The following KMT2B variants were observed in gnomAD, a reference collection of about 807,000 sequenced individuals.
KMT2B encodes the protein lysine methyltransferase 2B.
A neutral mutation model predicts 255.3 loss-of-function variants in KMT2B; 22 were observed. The observed-to-expected ratio is 0.09, with a 90% CI of 0.06 to 0.12. KMT2B has a LOEUF of 0.12. KMT2B is among the 10% of genes least tolerant of loss of function. The pLI is 1.00. For missense variants in KMT2B, 3,149 were observed against 3,737.0 expected, an observed-to-expected ratio of 0.84 and a Z score of 4.10; for synonymous variants, 1,730 against 1,498.1, an observed-to-expected ratio of 1.15 and a Z score of -3.57.
intron 30 of KMT2B, among the ~76,000 whole-genome samples, chr19:35,734,538 A>G (rs1969846137): frequency 6.6e-6 from 1 of 152,194 alleles, no homozygotes; most frequent in South Asian, 2.1e-4. Context: ...ATGGCAGGGA[A>G]GGGCAGGCTG....
Position 35,720,752 on chromosome 19 carries a change from A to T in KMT2B, c.1405A>T (p.Arg469Trp). The T allele has an allele frequency of 6.8e-7, 1 of 1,472,766 alleles. No individual in the cohort carries two copies. Among genetic ancestry groups the T allele is most frequent in the Non-Finnish European group, 9.0e-7 (1 of 1,110,996 alleles). The allele number at this position is 1,472,766 out of a possible 1,614,324, so 91.2% of individuals were successfully genotyped here. The change falls in exon 3 of 37, where the codon AGG becomes TGG. Residue 469 changes from arginine to tryptophan, a missense_variant. Physicochemically the swap from Arg to Trp is moderately radical, Grantham distance 101 (BLOSUM62 -3). Around this residue, in one of 18 missense-constraint regions of KMT2B, gnomAD observed 1,188 missense variants for 1,106.4 expected, o/e 1.07. Coordinates refer to ENST00000420124, the MANE Select transcript of KMT2B (RefSeq NM_014727.3). ...PVVPATCSRKRGRPPLTPSQR... is the reference protein window; with the variant it reads ...PVVPATCSRKWGRPPLTPSQR... ...GGTCCCAGCTACGTGCTCCAGGAAG[A>T]GGGGCCGGCCTCCCCTGACTCCCAG... is the stretch of plus-strand genomic sequence containing the variant.
rs1969824822 is a variant in KMT2B, at chr19:35,733,950, T to G, written c.7159+78T>G. ...TGACTCACAGATGCAAAATCAGCCCTCTTTCAAAACCAGTATCTACTCCCA... is the reference window on the plus strand; with the variant it reads ...TGACTCACAGATGCAAAATCAGCCCGCTTTCAAAACCAGTATCTACTCCCA... On this transcript the variant is annotated intron_variant, in intron 30 of 36. Coordinates refer to ENST00000420124, the MANE Select transcript of KMT2B (RefSeq NM_014727.3). This position sits in a 1 kb window ranked among gnomAD's most constrained non-coding sequence, Gnocchi z 4.3. 9.5e-7 allele frequency: 1 copy of G among 1,056,362 alleles called. No individual in the cohort carries two copies. The highest frequency in any genetic ancestry group is 1.6e-5 in the African/African-American group (1 of 62,694). The allele number at this position is 1,056,362 out of a possible 1,614,324, so 65.4% of individuals were successfully genotyped here.
intron 26 of KMT2B, 118 bp downstream of exon 26, chr19:35,730,985 T>A: frequency 8.6e-7 from 1 of 1,161,858 alleles, no homozygotes; most frequent in Non-Finnish European, 1.2e-6. Flanking sequence ...TCAGTTGCTG[T>A]AATGTAACGG....
chr19:35,726,033 G>T (rs1286419653), intron 13 of KMT2B, among the ~76,000 whole-genome samples: 1 of 152,156 alleles, frequency 6.6e-6, no homozygotes, highest in African/African-American at 2.4e-5. Flanking sequence ...CTCACATTCC[G>T]TGGGCTCAGA....
Position 35,732,415 on chromosome 19 carries a change from G to A in KMT2B, c.5866G>A (p.Gly1956Arg), listed in dbSNP as rs1475827336. Residue 1956 changes from glycine (G) to arginine (R), a missense_variant, in exon 28 of 37, where the codon GGG becomes AGG. Gly to Arg is a moderately radical substitution (Grantham distance 125, BLOSUM62 -2). Transcript: ENST00000420124. ...SVVTALTPTS[G>R]ELAPPGPAPS... is the part of the protein sequence containing the mutation. ...CGTCACAGCCCTCACACCTACCTCAGGGGAGCTGGCTCCCCCTGGCCCGGC... is the reference window on the plus strand; with the variant it reads ...CGTCACAGCCCTCACACCTACCTCAAGGGAGCTGGCTCCCCCTGGCCCGGC... 9.3e-6 allele frequency: 15 copies of A among 1,613,554 alleles called. No homozygotes were observed. Among genetic ancestry groups the A allele is most frequent in the Non-Finnish European group, 1.3e-5 (15 of 1,179,664 alleles).
intron 30 of KMT2B, among the ~76,000 whole-genome samples, chr19:35,734,379 C>T (rs1235660963): frequency 1.3e-5 from 2 of 152,074 alleles, no homozygotes; most frequent in Non-Finnish European, 2.9e-5. Context: ...CAGGGTGGGG[C>T]GTTGTGTCCA....
Position 35,721,487 on chromosome 19 carries a change from C to T in KMT2B, c.2140C>T (p.Pro714Ser). ...LPRFAPVVTT[P>S]VKAEVSPHGA... ...TCGATTCGCCCCTGTGGTCACCACT[C>T]CTGTTAAGGCCGAGGTGTCCCCTCA... is the stretch of plus-strand genomic sequence containing the variant. The change falls in exon 3 of 37, where the codon CCT becomes TCT. Residue 714 changes from proline (P) to serine (S), a missense_variant. Around this residue, in one of 18 missense-constraint regions of KMT2B, gnomAD observed 1,188 missense variants for 1,106.4 expected, o/e 1.07. Coordinates refer to ENST00000420124, the MANE Select transcript of KMT2B (RefSeq NM_014727.3). 2.5e-6 allele frequency: 4 copies of T among 1,612,624 alleles called. No homozygotes were observed. The highest frequency in any genetic ancestry group is 3.4e-6 in the Non-Finnish European group (4 of 1,179,850).
rs1462771174 is a variant in KMT2B, at chr19:35,733,802, A to G, written c.7089A>G (p.Glu2363=). 1 of 1,613,514 alleles carries G rather than the reference A, an allele frequency of 6.2e-7. No homozygotes were observed. Among genetic ancestry groups the G allele is most frequent in the Non-Finnish European group, 8.5e-7 (1 of 1,179,700 alleles). Reference sequence around the variant, plus strand: ...GGTCCCCTTTGCTGCCACTTCCGGAAGATGGTCCTCCCCAGGTCCCCGATG... The same window carrying G: ...GGTCCCCTTTGCTGCCACTTCCGGAGGATGGTCCTCCCCAGGTCCCCGATG... ...QERSPLLPLP[E]DGPPQVPDGP... is the part of the protein sequence containing the mutation. Residue 2363 remains glutamate, a synonymous_variant, in exon 30 of 37, where the codon GAA becomes GAG. Coordinates refer to ENST00000420124, the MANE Select transcript of KMT2B (RefSeq NM_014727.3). This position sits in a 1 kb window ranked among gnomAD's most constrained non-coding sequence, Gnocchi z 4.3.
intron 30 of KMT2B, among the ~76,000 whole-genome samples, chr19:35,734,335 G>A (rs1172830898): frequency 6.6e-6 from 1 of 152,210 alleles, no homozygotes; most frequent in Non-Finnish European, 1.5e-5. Context: ...GGCCTGTGGA[G>A]TCTAGCGTTG....
rs1203674124 is a variant in KMT2B, at chr19:35,732,966, G to A, written c.6417G>A (p.Ala2139=). The A allele has an allele frequency of 1.9e-6, 3 of 1,603,408 alleles. No individual in the cohort carries two copies. The highest frequency in any genetic ancestry group is 1.3e-5 in the African/African-American group (1 of 74,692). Reference sequence around the variant, plus strand: ...CTAGAGAGGAGTCACTCCCCCCGGCGCCTCCCCTGGCTAATGGCAGCCAGC... The same window carrying A: ...CTAGAGAGGAGTCACTCCCCCCGGCACCTCCCCTGGCTAATGGCAGCCAGC... ...AGPREESLPP[A]PPLANGSQPS... Residue 2139 remains alanine, a synonymous_variant, in exon 28 of 37, where the codon GCG becomes GCA. Transcript: ENST00000420124.
At chr19:35,735,962 C>T (rs1568384202) in intron 30 of KMT2B, 1 of 152,404 alleles carries the variant, frequency 6.6e-6, no homozygotes, top group Non-Finnish European at 1.5e-5. Flanking sequence ...TGCATGTGAG[C>T]CTATATAATA....
At position 35,728,838 on chromosome 19, in the gene KMT2B, C is replaced by G. The variant is rs369588398; in HGVS notation, c.4636C>G (p.Gln1546Glu). 2.5e-6 allele frequency: 4 copies of G among 1,613,840 alleles called. No homozygotes were observed. Among genetic ancestry groups the G allele is most frequent in the Non-Finnish European group, 3.4e-6 (4 of 1,179,874 alleles). The change falls in exon 20 of 37, where the codon CAG becomes GAG. Residue 1546 changes from glutamine to glutamate, a missense_variant. Gln to Glu is a conservative substitution (Grantham distance 29). Transcript: ENST00000420124. ...LDHVYAQWRQ[Q>E]EPETPESGQP... Reference sequence around the variant, plus strand: ...TCATGTCTATGCGCAGTGGAGACAGCAGGAACCAGAGACCCCAGAATCAGG... The same window carrying G: ...TCATGTCTATGCGCAGTGGAGACAGGAGGAACCAGAGACCCCAGAATCAGG...
In KMT2B at chr19:35,720,488, A is replaced by C. The variant is rs1485543387; in HGVS notation, c.1141A>C (p.Lys381Gln). ...EEEKDKEGEE[K>Q]EERAVAEEMM... ...AGAAAAAGACAAGGAGGGAGAAGAG[A>C]AGGAAGAAAGAGCTGTAGCTGAGGA... The change falls in exon 3 of 37, where the codon AAG becomes CAG. Residue 381 changes from lysine to glutamine, a missense_variant. Around this residue, in one of 18 missense-constraint regions of KMT2B, gnomAD observed 1,188 missense variants for 1,106.4 expected, o/e 1.07. Transcript: ENST00000420124. 1 of 1,551,754 alleles carries C rather than the reference A, an allele frequency of 6.4e-7. No individual in the cohort carries two copies. Among genetic ancestry groups the C allele is most frequent in the South Asian group, 1.2e-5 (1 of 84,044 alleles).
Position 35,721,217 on chromosome 19 carries a change from G to GCC in KMT2B, c.1873_1874dup (p.Pro626LeufsTer35). On this transcript the variant is annotated frameshift_variant, in exon 3 of 37. Transcript: ENST00000420124. LOFTEE classifies it high-confidence loss of function. ...CCGGGAGCTGCCCCCTCCTCCCCCA[G>GCC]CCCCTCCACCTCCCCCGGCCCCCTC... The GCC allele has an allele frequency of 1.4e-5, 5 of 356,836 alleles. No individual in the cohort carries two copies. Among genetic ancestry groups the GCC allele is most frequent in the South Asian group, 4.0e-5 (1 of 25,154 alleles). 22.1% of individuals were successfully genotyped at this position (356,836 alleles called of 1,614,324 possible).
rs565974046 is a variant in KMT2B at position 35,722,790 on chromosome 19, C to T, written c.2722+72C>T. Reference sequence around the variant, plus strand: ...ACACTTGGGTGACATGCACCAAGAGCCTAGGAGAGAGGGAGCCAAGTCAGG... The same window carrying T: ...ACACTTGGGTGACATGCACCAAGAGTCTAGGAGAGAGGGAGCCAAGTCAGG... On this transcript the variant is annotated intron_variant, in intron 5 of 36. Coordinates refer to ENST00000420124, the MANE Select transcript of KMT2B (RefSeq NM_014727.3). 74 of 1,515,808 alleles carry T rather than the reference C, an allele frequency of 4.9e-5. 2 individuals carry two copies. In the South Asian group the frequency reaches 9.7e-4, roughly 20 times the overall value. 93.9% of individuals were successfully genotyped at this position (1,515,808 alleles called of 1,614,324 possible).
chr19:35,738,162 G>A lies in KMT2B; in HGVS notation c.7843G>A (p.Asp2615Asn). The A allele has an allele frequency of 6.2e-7, 1 of 1,613,884 alleles. No individual in the cohort carries two copies. The highest frequency in any genetic ancestry group is 8.5e-7 in the Non-Finnish European group (1 of 1,179,868). Residue 2615 changes from aspartate (D) to asparagine (N), a missense_variant, in exon 36 of 37, where the codon GAC becomes AAC. Around this residue, in one of 18 missense-constraint regions of KMT2B, gnomAD observed 56 missense variants for 238.8 expected, o/e 0.23. Coordinates refer to ENST00000420124, the MANE Select transcript of KMT2B (RefSeq NM_014727.3). This position sits in a 1 kb window ranked among gnomAD's most constrained non-coding sequence, Gnocchi z 8.7. ...SGIVIRSVLT[D>N]KREKFYDGKG... Reference sequence around the variant, plus strand: ...CATTGTCATCCGCTCGGTGTTGACTGACAAGCGGGAGAAGTTCTACGATGG... The same window carrying A: ...CATTGTCATCCGCTCGGTGTTGACTAACAAGCGGGAGAAGTTCTACGATGG...
rs1157454736 is a variant in KMT2B, at chr19:35,727,102, C to T, written c.4004-54C>T. 2 of 1,298,942 alleles carry T rather than the reference C, an allele frequency of 1.5e-6. No homozygotes were observed. Among genetic ancestry groups the T allele is most frequent in the East Asian group, 2.5e-5 (1 of 40,550 alleles). 80.5% of individuals were successfully genotyped at this position (1,298,942 alleles called of 1,614,324 possible). A position where few individuals can be genotyped will look rare whatever the true frequency, so the allele number is the denominator to read the frequency against. ...CTGCTAATCCTTGAACAGAGACACT[C>T]AGGGCTGAGTGGGAACTCCAGCACC... On this transcript the variant is annotated intron_variant, in intron 14 of 36. Transcript: ENST00000420124. This position sits in a 1 kb window ranked among gnomAD's most constrained non-coding sequence, Gnocchi z 4.2.
rs755795186 is a variant in KMT2B, at chr19:35,730,628, G to C, written c.5276+12G>C. The C allele has an allele frequency of 6.2e-7, 1 of 1,613,898 alleles. No individual in the cohort carries two copies. Among genetic ancestry groups the C allele is most frequent in the Admixed American group, 1.7e-5 (1 of 60,028 alleles). Reference sequence around the variant, plus strand: ...CCCATTGGCTACCAGTGAGCGGTCGGGGTGATCCATGGGGCCAGGGGACTC... The same window carrying C: ...CCCATTGGCTACCAGTGAGCGGTCGCGGTGATCCATGGGGCCAGGGGACTC... On this transcript the variant is annotated intron_variant, in intron 25 of 36. Coordinates refer to ENST00000420124, the MANE Select transcript of KMT2B (RefSeq NM_014727.3).
At chr19:35,736,880 C>T in intron 31 of KMT2B, 32 bp from the exon 32 acceptor site, 1 of 1,613,914 alleles carries the variant, frequency 6.2e-7, no homozygotes. Flanking sequence ...AAACACCATC[C>T]TGACTCAGCT....
Sources: allele counts gnomAD v4.1 joint callset (sites outside exome capture counted in the v4.1 genomes callset), GRCh38; gene constraint gnomAD v4.1.1; regional missense constraint gnomAD v4.1.1; non-coding constraint Gnocchi (gnomAD v3.1); transcripts MANE v1.5; gene names NCBI Gene and HGNC (gene_info 2026-07-23, HGNC 2026-07-21).